SLC38A9: variants seen among roughly 807,000 people sequenced by gnomAD.
The protein encoded by SLC38A9 is neutral amino acid transporter 9.
SLC38A9 carries 48 observed loss-of-function variants against 62.3 expected under a neutral mutation model. The ratio of observed to expected loss-of-function variants is 0.77; its 90% CI spans 0.61 to 0.98. The LOEUF (loss-of-function observed/expected upper bound fraction) is 0.98. Ranked by LOEUF, SLC38A9 falls within the 50% of genes least tolerant of loss-of-function variation. The probability of loss-of-function intolerance (pLI) is 0.00; values close to 1 mark genes in which losing one functional copy is unlikely to be tolerated. For missense variants in SLC38A9, 541 were observed against 679.8 expected (o/e 0.80, Z 2.27); for synonymous variants, 204 against 227.7 (o/e 0.90, Z 0.94).
At chr5:55,661,211 G>A (rs1749463263) in intron 8 of SLC38A9, among the ~76,000 whole-genome samples, 1 of 151,914 alleles carries the variant, frequency 6.6e-6, no homozygotes, top group South Asian at 2.1e-4. Context: ...TTGGGAGGCC[G>A]AGGTGGGCGG....
rs867513814 is a variant in SLC38A9, at chr5:55,688,382, T to C, written c.113+9464A>G. 2.8e-3 allele frequency among the ~76,000 whole-genome samples: 385 copies of C among 138,018 alleles called. 2 individuals carry two copies. Among genetic ancestry groups the C allele is most frequent in the African/African-American group, 0.01 (360 of 35,582 alleles). The allele number at this position is 138,018 out of a possible 152,430, so 90.5% of individuals were successfully genotyped here. On this transcript the variant is annotated intron_variant, in intron 3 of 15. Coordinates refer to ENST00000396865, the MANE Select transcript of SLC38A9 (RefSeq NM_173514.4). The stretch of plus-strand genomic sequence containing the variant: ...ATGTATGAATTAGGGCATAATCTCT[T>C]TTTTTTTTTTTTTTTTTAAGACAGT...
intron 7 of SLC38A9, among the ~76,000 whole-genome samples, chr5:55,667,257 C>CA (rs960653073): frequency 4.2e-5 from 4 of 94,268 alleles, no homozygotes; most frequent in East Asian, 2.5e-4. Context: ...ACAATATCTC[C>CA]AAAAAAAACT....
At chr5:55,632,399 C>A (rs913372461) in intron 14 of SLC38A9, among the ~76,000 whole-genome samples, 5 of 152,164 alleles carry the variant, frequency 3.3e-5, no homozygotes, top group African/African-American at 4.8e-5. Flanking sequence ...GATCGCGCCA[C>A]TGCACTCCAG....
intron 12 of SLC38A9, among the ~76,000 whole-genome samples, chr5:55,643,837 A>G (rs952781950): frequency 3.3e-5 from 5 of 152,284 alleles, no homozygotes; most frequent in Non-Finnish European, 2.9e-5. Context: ...TCTGATATCA[A>G]TTTGGCCACT....
chr5:55,632,593 C>A (rs1743677007), intron 14 of SLC38A9, among the ~76,000 whole-genome samples: 1 of 152,150 alleles, frequency 6.6e-6, no homozygotes, highest in South Asian at 2.1e-4. Context: ...CCCATTCTCC[C>A]GAAGCTATCT....
At chr5:55,701,364 T>G (rs1336595720) in intron 2 of SLC38A9, among the ~76,000 whole-genome samples, 1 of 152,208 alleles carries the variant, frequency 6.6e-6, no homozygotes, top group Non-Finnish European at 1.5e-5. Flanking sequence ...CTACCCCACC[T>G]AGTGTTTTCC....
At chr5:55,703,885 C>T (rs1756961850) in intron 2 of SLC38A9, among the ~76,000 whole-genome samples, 2 of 152,200 alleles carry the variant, frequency 1.3e-5, no homozygotes, top group African/African-American at 2.4e-5. Context: ...CATGGTGGCT[C>T]ATTCCTGTAA....
intron 2 of SLC38A9, among the ~76,000 whole-genome samples, chr5:55,701,840 G>A (rs1756690486): frequency 6.6e-6 from 1 of 152,190 alleles, no homozygotes; most frequent in African/African-American, 2.4e-5. Flanking sequence ...TGATCACAAA[G>A]TTAGTAAGTG....
intron 3 of SLC38A9, among the ~76,000 whole-genome samples, chr5:55,678,402 G>A (rs1464850361): frequency 2.0e-5 from 3 of 152,100 alleles, no homozygotes; most frequent in African/African-American, 7.2e-5. Context: ...CTCCCAAAGT[G>A]CTGGGATTAC....
chr5:55,640,294 C>T (rs1037780371), intron 12 of SLC38A9, among the ~76,000 whole-genome samples: 1 of 152,142 alleles, frequency 6.6e-6, no homozygotes, highest in South Asian at 2.1e-4. Flanking sequence ...CCATTTAAAC[C>T]TTTGCTTTTA....
intron 3 of SLC38A9, chr5:55,692,683 T>A (rs962412020): frequency 1.0e-6 from 1 of 985,216 alleles, no homozygotes; most frequent in African/African-American, 1.7e-5. Flanking sequence ...TCTACGCAGT[T>A]AAACAAATTT....
At chr5:55,689,695 G>C (rs9715980) in intron 3 of SLC38A9, among the ~76,000 whole-genome samples, 91,151 of 151,950 alleles carry the variant, frequency 0.6, 27,907 homozygotes, top group South Asian at 0.7. Context: ...CAAACCCAAC[G>C]AGGCTCCCTC....
In SLC38A9 at chr5:55,653,660, G is replaced by A. The variant is rs956799504; in HGVS notation, c.758-937C>T. 4.6e-5 allele frequency among the ~76,000 whole-genome samples: 7 copies of A among 151,422 alleles called. No homozygotes were observed. In the East Asian group the frequency reaches 1.4e-3, roughly 29 times the overall value. ...TGACTGGGAAATCAGTAAAATGTAT[G>A]TTTCTTTTTTTTTTTTGAGATGGAG... On this transcript the variant is annotated intron_variant, in intron 9 of 15. Transcript: ENST00000396865.
rs1188584725 is a variant in SLC38A9, at chr5:55,626,517, G to A, written c.1663C>T (p.Leu555=). Residue 555 remains leucine, a synonymous_variant, in exon 16 of 16, where the codon CTG becomes TTG. Transcript: ENST00000396865. ...TTTCACATAAAAAACTGAACAATCA[G>A]GTTAGCCACGCCCAAAATGATGATG... ...VFIIILGVAN[L]IVQFFM is the part of the protein sequence containing the mutation. 1.9e-6 allele frequency: 3 copies of A among 1,612,680 alleles called. No individual in the cohort carries two copies. The highest frequency in any genetic ancestry group is 2.5e-6 in the Non-Finnish European group (3 of 1,179,344).
At chr5:55,627,243 T>A (rs1272878088) in intron 15 of SLC38A9, among the ~76,000 whole-genome samples, 1 of 152,160 alleles carries the variant, frequency 6.6e-6, no homozygotes, top group Non-Finnish European at 1.5e-5. Context: ...CAATCTCCCC[T>A]TCTTGTTCCT....
At chr5:55,687,135 T>C (rs1435485951) in intron 3 of SLC38A9, among the ~76,000 whole-genome samples, 1 of 151,100 alleles carries the variant, frequency 6.6e-6, no homozygotes, top group Non-Finnish European at 1.5e-5. Flanking sequence ...TGGCTCCATA[T>C]GTATTTTTAA....
intron 3 of SLC38A9, among the ~76,000 whole-genome samples, chr5:55,677,275 AAAACAT>A (rs1752237000): frequency 6.6e-6 from 1 of 152,208 alleles, no homozygotes; most frequent in African/African-American, 2.4e-5. Context: ...ATTAATATAT[AAAACAT>A]AAACATTAAA....
intron 3 of SLC38A9, among the ~76,000 whole-genome samples, chr5:55,680,230 G>T (rs75042975): frequency 0.063 from 9,555 of 152,098 alleles, 591 homozygotes; most frequent in East Asian, 0.18. Context: ...TATATATAGA[G>T]AGAGAGAGAT....
chr5:55,649,974 GA>G (rs1190155406), intron 10 of SLC38A9, among the ~76,000 whole-genome samples: 1 of 152,066 alleles, frequency 6.6e-6, no homozygotes, highest in African/African-American at 2.4e-5. Flanking sequence ...ACATAGGATT[GA>G]AAAAAACAAC....
Sources: allele counts gnomAD v4.1 joint callset (sites outside exome capture counted in the v4.1 genomes callset), GRCh38; gene constraint gnomAD v4.1.1; transcripts MANE v1.5; gene names NCBI Gene and HGNC (gene_info 2026-07-23, HGNC 2026-07-21).